Variants in BAZ2B observed in about 807,000 individuals in gnomAD.
The protein encoded by BAZ2B is bromodomain adjacent to zinc finger domain 2B, also known as bromodomain adjacent to zinc finger domain protein 2B.
BAZ2B carries 91 observed loss-of-function variants against 246.0 expected under a neutral mutation model. That is an observed-to-expected ratio of 0.37 (90% CI 0.31 to 0.44). The LOEUF is 0.44. Ranked by LOEUF, BAZ2B falls within the 20% of genes least tolerant of loss-of-function variation. The pLI, the probability that BAZ2B is intolerant of heterozygous loss-of-function variation, is 1.00. For missense variants in BAZ2B, 2,332 were observed against 2,533.7 expected, an observed-to-expected ratio of 0.92 and a Z score of 1.71; for synonymous variants, 855 against 860.0, an observed-to-expected ratio of 0.99 and a Z score of 0.10.
chr2:159,630,725 A>G, the BAZ2B span, among the ~76,000 whole-genome samples: 2 of 152,058 alleles, frequency 1.3e-5, no homozygotes, highest in Admixed American at 6.5e-5. Flanking sequence ...TAGTAGAGAC[A>G]GGGTTTCACC....
intron 21 of BAZ2B, among the ~76,000 whole-genome samples, 189 bp from the exon 22 acceptor site, chr2:159,386,796 T>C (rs1210470504): frequency 6.6e-6 from 1 of 152,130 alleles, no homozygotes; most frequent in Non-Finnish European, 1.5e-5. Flanking sequence ...GCATAGTGTC[T>C]TGAAGTATCT....
intron 17 of BAZ2B, 150 bp from the exon 18 acceptor site, chr2:159,399,044 CATT>C (rs2064522314): frequency 5.1e-6 from 3 of 584,636 alleles, no homozygotes; most frequent in African/African-American, 1.9e-5. Context: ...CCCCAGTTAA[CATT>C]ATGTTTAACG....
chr2:159,608,402 T>C (rs1694003593), intron 1 of BAZ2B, among the ~76,000 whole-genome samples: 1 of 152,046 alleles, frequency 6.6e-6, no homozygotes, highest in Non-Finnish European at 1.5e-5. Context: ...AAAATAAAAA[T>C]CCAGTCCATT....
intron 3 of BAZ2B, among the ~76,000 whole-genome samples, chr2:159,471,432 C>CA (rs1034513569): frequency 6.6e-5 from 10 of 151,254 alleles, no homozygotes; most frequent in African/African-American, 2.2e-4. Flanking sequence ...TGAGTCTCTA[C>CA]AAAAAAAAAT....
At chr2:159,515,432 A>C (rs1207593310) in intron 2 of BAZ2B, among the ~76,000 whole-genome samples, 1 of 152,114 alleles carries the variant, frequency 6.6e-6, no homozygotes, top group African/African-American at 2.4e-5. Context: ...AGCAAAACTA[A>C]GAGTTCTGTT....
At chr2:159,370,304 G>T (rs1333795213) in intron 27 of BAZ2B, among the ~76,000 whole-genome samples, 1 of 144,680 alleles carries the variant, frequency 6.9e-6, no homozygotes, top group East Asian at 2.0e-4. Context: ...ATGTACCCTA[G>T]AACTTAAAGT....
At chr2:159,392,687 G>GT (rs2063496323) in intron 20 of BAZ2B, among the ~76,000 whole-genome samples, 1 of 152,120 alleles carries the variant, frequency 6.6e-6, no homozygotes, top group Admixed American at 6.5e-5. Flanking sequence ...GACTACAGTA[G>GT]TGATATGACT....
the BAZ2B span, among the ~76,000 whole-genome samples, chr2:159,683,874 A>G: frequency 3.9e-5 from 6 of 152,332 alleles, no homozygotes; most frequent in East Asian, 5.8e-4. Flanking sequence ...ATTTTCAGTC[A>G]TATCTACAAA....
chr2:159,414,308 T>C (rs2067286376), intron 13 of BAZ2B, among the ~76,000 whole-genome samples: 1 of 152,034 alleles, frequency 6.6e-6, no homozygotes, highest in South Asian at 2.1e-4. Context: ...TGAAGATGGT[T>C]AATAGTTATA....
chr2:159,680,573 T>C, the BAZ2B span, among the ~76,000 whole-genome samples: 1 of 152,096 alleles, frequency 6.6e-6, no homozygotes, highest in Admixed American at 6.6e-5. Context: ...CACGTTAGTC[T>C]CCAGTCCAAA....
At chr2:159,621,417 TA>T (rs1377900656), upstream of BAZ2B, among the ~76,000 whole-genome samples, 1 of 152,028 alleles carries the variant, frequency 6.6e-6, no homozygotes, top group African/African-American at 2.4e-5. Context: ...ACAAATTTGT[TA>T]AAAAATTCAG....
chr2:159,516,502 A>C (rs1377426166), intron 2 of BAZ2B: 1 of 152,548 alleles, frequency 6.6e-6, no homozygotes, highest in Non-Finnish European at 1.5e-5. Context: ...CTATTTGTTG[A>C]AACACCTAAA....
At chr2:159,316,689 CAAAAAAAAAAAAA>C (rs765748671), downstream of BAZ2B, among the ~76,000 whole-genome samples, 3 of 36,244 alleles carry the variant, frequency 8.3e-5, no homozygotes, top group South Asian at 1.5e-3. Context: ...GACTCCATCT[CAAAAAAAAAAAAA>C]AAAAAAAAAA....
chr2:159,316,689 C>CAATAAAAAA (rs2062159268), downstream of BAZ2B, among the ~76,000 whole-genome samples: 1 of 36,244 alleles, frequency 2.8e-5, no homozygotes, highest in South Asian at 1.5e-3. Context: ...GACTCCATCT[C>CAATAAAAAA]AAAAAAAAAA....
the BAZ2B span, among the ~76,000 whole-genome samples, chr2:159,684,167 C>G: frequency 6.6e-6 from 1 of 152,210 alleles, no homozygotes; most frequent in African/African-American, 2.4e-5. Context: ...TTTTGTATTA[C>G]TGAATAATTC....
the BAZ2B span, among the ~76,000 whole-genome samples, chr2:159,698,778 C>CA: frequency 6.6e-6 from 1 of 152,034 alleles, no homozygotes; most frequent in Non-Finnish European, 1.5e-5. Context: ...TCTGACTATT[C>CA]ATTTTATAAT....
At chr2:159,341,195 A>G (rs1015142836) in intron 31 of BAZ2B, among the ~76,000 whole-genome samples, 1 of 152,156 alleles carries the variant, frequency 6.6e-6, no homozygotes. Context: ...CATGCAAATG[A>G]AAACCAAAAG....
the BAZ2B span, among the ~76,000 whole-genome samples, chr2:159,654,178 G>T: frequency 6.6e-6 from 1 of 152,126 alleles, no homozygotes; most frequent in Non-Finnish European, 1.5e-5. Context: ...TCAATAAAAA[G>T]ATAGCCGTTT....
Position 159,428,107 on chromosome 2 carries a change from C to T in BAZ2B, c.2365-65G>A, listed in dbSNP as rs2070329483. The T allele has an allele frequency of 2.1e-6, 3 of 1,448,268 alleles. 1 individual carries two copies. The Admixed American group carries it at 5.1e-5, about 25-fold the overall frequency. 89.7% of individuals were successfully genotyped at this position (1,448,268 alleles called of 1,614,324 possible). ...ATTACAACCCAGCTTTGATGTATAG[C>T]TAGCTTCAGGACACTAATGTTTTGC... On this transcript the variant is annotated intron_variant, in intron 12 of 36. Transcript: ENST00000392783.
Sources: gnomAD v4.1 joint callset for allele counts (sites outside exome capture counted in the v4.1 genomes callset) on GRCh38, gnomAD v4.1.1 for gene constraint, MANE v1.5 for transcripts, NCBI Gene and HGNC (gene_info 2026-07-23, HGNC 2026-07-21) for gene names.